Variants in FCHO2 observed in about 807,000 individuals in gnomAD.
FCHO2 encodes the protein F-BAR domain only protein 2.
FCHO2 carries 43 observed loss-of-function variants against 114.1 expected under a neutral mutation model. That is an observed-to-expected ratio of 0.38 (90% confidence interval 0.30 to 0.49). The LOEUF is 0.49. Among genes scored for constraint, FCHO2 ranks in the 20% least tolerant of loss-of-function variants. The pLI, the probability that FCHO2 is intolerant of heterozygous loss-of-function variation, is 0.97. For missense variants in FCHO2, 807 were observed against 950.4 expected, an observed-to-expected ratio of 0.85 and a Z score of 1.98; for synonymous variants, 293 against 315.2, an observed-to-expected ratio of 0.93 and a Z score of 0.75.
intron 2 of FCHO2, among the ~76,000 whole-genome samples, chr5:72,969,756 C>G (rs1305262138): frequency 2.6e-5 from 4 of 152,198 alleles, no homozygotes; most frequent in Non-Finnish European, 5.9e-5. Context: ...CATACTTCCC[C>G]TTTACTACTT....
Position 72,956,056 on chromosome 5 carries a change from C to A in FCHO2, c.-41C>A, listed in dbSNP as rs956059619. On this transcript the variant is annotated 5_prime_UTR_variant, in exon 1 of 26. Transcript: ENST00000430046. ...GGGCCGGGCCGTGTTTACACAGCGG[C>A]GGGCGGGCGCGGACGCGGAACCCGG... 6 of 1,536,422 alleles carry A rather than the reference C, an allele frequency of 3.9e-6. No homozygotes were observed. Among genetic ancestry groups the A allele is most frequent in the Non-Finnish European group, 5.3e-6 (6 of 1,140,702 alleles).
intron 18 of FCHO2, 31 bp downstream of exon 18, chr5:73,063,975 A>T (rs753252042): frequency 6.5e-7 from 1 of 1,536,258 alleles, no homozygotes; most frequent in African/African-American, 1.4e-5. Flanking sequence ...AAAATTATTT[A>T]ACTGTTTTGA....
Position 73,081,862 on chromosome 5 carries a change from G to T in FCHO2, c.2060G>T (p.Arg687Ile), listed in dbSNP as rs756561862. Residue 687 changes from arginine (R) to isoleucine (I), a missense_variant, in exon 23 of 26, where the codon AGA becomes ATA. Arg to Ile is a moderately conservative substitution (Grantham distance 97, BLOSUM62 -3). Coordinates refer to ENST00000430046, the MANE Select transcript of FCHO2 (RefSeq NM_138782.3). ...TGTAGTGCTAGCACCACAGATCTTA[G>T]AGTGGATTATAAATACAATCCAGAA... ...WKCSASTTDL[R>I]VDYKYNPEAM... 1 of 1,612,704 alleles carries T rather than the reference G, an allele frequency of 6.2e-7. No homozygotes were observed. The highest frequency in any genetic ancestry group is 8.5e-7 in the Non-Finnish European group (1 of 1,179,246).
intron 3 of FCHO2, among the ~76,000 whole-genome samples, chr5:72,989,794 A>C (rs1753727809): frequency 6.6e-6 from 1 of 152,146 alleles, no homozygotes; most frequent in African/African-American, 2.4e-5. Flanking sequence ...TATTTATTCT[A>C]GTTGTCTGTA....
intron 11 of FCHO2, among the ~76,000 whole-genome samples, chr5:73,046,915 C>T (rs1422157805): frequency 6.6e-6 from 1 of 152,166 alleles, no homozygotes; most frequent in Non-Finnish European, 1.5e-5. Context: ...TTCTCCCTAA[C>T]CTTGTGTTGT....
At chr5:73,086,464 C>T (rs1362123265) in intron 24 of FCHO2, among the ~76,000 whole-genome samples, 1 of 152,206 alleles carries the variant, frequency 6.6e-6, no homozygotes, top group Admixed American at 6.5e-5. Flanking sequence ...ACTGCTAGTA[C>T]CTAGCATTTC....
chr5:73,017,261 TG>T lies in FCHO2; in HGVS notation c.750del (p.Ile251TyrfsTer32). 6.4e-7 allele frequency: 1 copy of T among 1,566,778 alleles called. No individual in the cohort carries two copies. The highest frequency in any genetic ancestry group is 8.7e-7 in the Non-Finnish European group (1 of 1,154,900). On this transcript the variant is annotated frameshift_variant, in exon 8 of 26. Transcript: ENST00000430046. LOFTEE classifies it high-confidence loss of function. Reference protein sequence around the residue: ...NNMANTTVESLIQKFAESKGT... With the variant: ...NNMANTTVESXIQKFAESKGT... ...ATGGCTAATACTACAGTTGAAAGTT[TG>T]ATACAAAAATTTGCTGAGTCAAAAG...
intron 2 of FCHO2, among the ~76,000 whole-genome samples, chr5:72,985,226 T>G (rs1005397312): frequency 7.2e-5 from 11 of 152,024 alleles, no homozygotes; most frequent in Non-Finnish European, 1.0e-4. Context: ...AGTGGCATGA[T>G]CTTGACTCAC....
chr5:72,997,948 C>A (rs986563105), intron 5 of FCHO2, among the ~76,000 whole-genome samples: 12 of 151,766 alleles, frequency 7.9e-5, no homozygotes, highest in Non-Finnish European at 1.6e-4. Flanking sequence ...CAGGACCCGC[C>A]AGAGCCACAG....
intron 13 of FCHO2, among the ~76,000 whole-genome samples, chr5:73,053,016 G>A (rs887416068): frequency 1.3e-5 from 2 of 152,142 alleles, no homozygotes; most frequent in Non-Finnish European, 2.9e-5. Flanking sequence ...AATAGGATTT[G>A]AGGGAGAAAT....
chr5:73,053,713 G>C (rs1018420307), intron 13 of FCHO2, among the ~76,000 whole-genome samples: 1 of 150,824 alleles, frequency 6.6e-6, no homozygotes, highest in African/African-American at 2.4e-5. Flanking sequence ...AAAAAAAAAG[G>C]TGGTGAATAT....
intron 8 of FCHO2, among the ~76,000 whole-genome samples, chr5:73,021,681 A>G (rs924817203): frequency 6.6e-6 from 1 of 152,200 alleles, no homozygotes; most frequent in Non-Finnish European, 1.5e-5. Context: ...GTCTACCATT[A>G]AATCTTAATA....
At chr5:73,086,300 G>A (rs928450020) in intron 24 of FCHO2, among the ~76,000 whole-genome samples, 1 of 152,152 alleles carries the variant, frequency 6.6e-6, no homozygotes, top group Non-Finnish European at 1.5e-5. Flanking sequence ...AAGTTTGAGG[G>A]CCTGGATAGT....
chr5:73,039,482 C>A (rs2112805970), intron 10 of FCHO2, among the ~76,000 whole-genome samples: 1 of 152,288 alleles, frequency 6.6e-6, no homozygotes, highest in Admixed American at 6.5e-5. Flanking sequence ...TAATTTGATT[C>A]TCTAGAAGGA....
chr5:73,030,594 C>G (rs1000434915), intron 8 of FCHO2, among the ~76,000 whole-genome samples: 3 of 152,158 alleles, frequency 2.0e-5, no homozygotes, highest in Non-Finnish European at 4.4e-5. Flanking sequence ...AAATATCTAC[C>G]AGTGGCCACA....
intron 6 of FCHO2, among the ~76,000 whole-genome samples, chr5:73,012,183 T>A (rs1755052052): frequency 6.6e-6 from 1 of 152,208 alleles, no homozygotes; most frequent in South Asian, 2.1e-4. Flanking sequence ...ACGTGAGTAA[T>A]GCGTTGCACT....
At chr5:73,000,269 T>C (rs1754361881) in intron 5 of FCHO2, among the ~76,000 whole-genome samples, 1 of 152,046 alleles carries the variant, frequency 6.6e-6, no homozygotes, top group Admixed American at 6.5e-5. Context: ...TGTCAGCAGT[T>C]TGAGACCAGC....
chr5:73,081,929 G>C lies in FCHO2; in HGVS notation c.2127G>C (p.Val709=). Reference sequence around the variant, plus strand: ...GTGTGCTTTCCAACATACAGGTGGTGGTACCAGTGGATGGAGGAGTAACGA... The same window carrying C: ...GTGTGCTTTCCAACATACAGGTGGTCGTACCAGTGGATGGAGGAGTAACGA... ...APSVLSNIQV[V]VPVDGGVTNM... Residue 709 remains valine, a synonymous_variant, in exon 23 of 26, where the codon GTG becomes GTC. Transcript: ENST00000430046. 1 of 1,608,306 alleles carries C rather than the reference G, an allele frequency of 6.2e-7. No individual in the cohort carries two copies. The highest frequency in any genetic ancestry group is 1.3e-5 in the African/African-American group (1 of 74,826).
At chr5:73,041,380 A>G (rs1295805658) in intron 11 of FCHO2, 65 bp downstream of exon 11, 2 of 987,948 alleles carry the variant, frequency 2.0e-6, no homozygotes, top group African/African-American at 1.6e-5. Flanking sequence ...CAAACCTAAC[A>G]CATTTGAGTT....
Sources: allele counts gnomAD v4.1 joint callset (sites outside exome capture counted in the v4.1 genomes callset), GRCh38; gene constraint gnomAD v4.1.1; transcripts MANE v1.5; gene names NCBI Gene and HGNC (gene_info 2026-07-23, HGNC 2026-07-21).